Variants in SAMD8 observed in about 807,000 individuals in gnomAD.
The protein encoded by SAMD8 is sterile alpha motif domain containing 8.
SAMD8 carries 20 observed loss-of-function variants against 42.0 expected under a neutral mutation model. The ratio of observed to expected loss-of-function variants is 0.48; its 90% CI spans 0.34 to 0.69. SAMD8 has a LOEUF of 0.69. Among genes scored for constraint, SAMD8 ranks in the 30% least tolerant of loss-of-function variants. The pLI, the probability that SAMD8 is intolerant of heterozygous loss-of-function variation, is 0.01. For missense variants in SAMD8, 328 were observed against 511.6 expected (o/e 0.64, Z 3.46); for synonymous variants, 162 against 173.0 (o/e 0.94, Z 0.50).
intron 1 of SAMD8, chr10:75,125,861 A>AG (rs1307325288): frequency 1.3e-5 from 2 of 152,222 alleles, no homozygotes; most frequent in African/African-American, 4.8e-5. Context: ...CCTCCACCAA[A>AG]GTCCGTATAA....
At chr10:75,099,921 T>A (rs1253839691) in intron 1 of SAMD8, among the ~76,000 whole-genome samples, 1 of 152,022 alleles carries the variant, frequency 6.6e-6, no homozygotes, top group Non-Finnish European at 1.5e-5. Flanking sequence ...AGTGTCTGGA[T>A]ATGCGGTCAC....
In SAMD8 at chr10:75,132,731, G is replaced by A. The variant is rs1180507428; in HGVS notation, c.-15-17783G>A. On this transcript the variant is annotated intron_variant, in intron 1 of 5. Transcript: ENST00000542569. ...TTGCCAGCTATGGTGGCTCACGGCT[G>A]TAATCCCAGCACTTTGAGAGGCCAA... 2.6e-5 allele frequency among the ~76,000 whole-genome samples: 4 copies of A among 151,828 alleles called. No individual in the cohort carries two copies. The East Asian group carries it at 7.7e-4, about 29-fold the overall frequency.
chr10:75,130,588 C>G (rs1849253430), intron 1 of SAMD8, among the ~76,000 whole-genome samples: 1 of 152,068 alleles, frequency 6.6e-6, no homozygotes, highest in Non-Finnish European at 1.5e-5. Flanking sequence ...CCTTTAGCTC[C>G]AAGGAAAAGC....
chr10:75,107,992 C>A (rs772935036), upstream of SAMD8: 3 of 1,610,754 alleles, frequency 1.9e-6, no homozygotes, highest in South Asian at 3.3e-5. Context: ...CAAGTCCTAC[C>A]CCCAGGCGTG....
At chr10:75,101,762 C>G in intron 1 of SAMD8, 1 of 762,866 alleles carries the variant, frequency 1.3e-6, no homozygotes, top group South Asian at 1.4e-5. Context: ...TCTACCCAAC[C>G]CAAACCCCAC....
intron 1 of SAMD8, among the ~76,000 whole-genome samples, chr10:75,118,250 C>G (rs1345251940): frequency 6.6e-6 from 1 of 152,170 alleles, no homozygotes; most frequent in East Asian, 1.9e-4. Context: ...TAAAGAGTTT[C>G]AAAATGGATG....
At chr10:75,168,240 T>A (rs1840739437) in intron 3 of SAMD8, 1 of 167,874 alleles carries the variant, frequency 6.0e-6, no homozygotes. Flanking sequence ...ATGGCAAAAT[T>A]TAAATTAACT....
intron 1 of SAMD8, among the ~76,000 whole-genome samples, chr10:75,144,636 T>C (rs999870752): frequency 1.3e-5 from 2 of 152,064 alleles, no homozygotes; most frequent in African/African-American, 4.8e-5. Context: ...TTTTTCTGTG[T>C]TTTATTTTGA....
intron 1 of SAMD8, among the ~76,000 whole-genome samples, chr10:75,141,833 G>A (rs983718928): frequency 2.0e-5 from 3 of 151,776 alleles, no homozygotes; most frequent in East Asian, 3.9e-4. Flanking sequence ...GAGCCACCAC[G>A]CCTGGCCTGC....
At chr10:75,133,553 C>G (rs1482532655) in intron 1 of SAMD8, among the ~76,000 whole-genome samples, 3 of 152,186 alleles carry the variant, frequency 2.0e-5, no homozygotes, top group African/African-American at 4.8e-5. Flanking sequence ...AGGAATCAAC[C>G]TAAGTGTCCG....
chr10:75,129,957 A>G (rs1254851443), intron 1 of SAMD8, among the ~76,000 whole-genome samples: 1 of 152,212 alleles, frequency 6.6e-6, no homozygotes, highest in African/African-American at 2.4e-5. Flanking sequence ...AGTGTAATAC[A>G]TGAACCTAAA....
At chr10:75,154,923 C>T (rs1367321451) in intron 2 of SAMD8, among the ~76,000 whole-genome samples, 1 of 152,072 alleles carries the variant, frequency 6.6e-6, no homozygotes, top group Non-Finnish European at 1.5e-5. Context: ...GACAGGGTCT[C>T]ACTCTGTTCT....
rs557797089 is a variant in SAMD8, at chr10:75,104,612, A to T, written c.-16+4884A>T. Among the ~76,000 whole-genome samples the T allele has an allele frequency of 3.3e-5, 5 of 152,300 alleles. No homozygotes were observed. The East Asian group carries it at 9.7e-4, about 29-fold the overall frequency. On this transcript the variant is annotated intron_variant, in intron 1 of 3. Coordinates refer to the SAMD8 transcript ENST00000447533. The stretch of plus-strand genomic sequence containing the variant: ...TCTAGAGGAGAGAGAGCAGGCAGGG[A>T]ATCTGCCATTCCATGGGAAACATGC...
At position 75,179,592 on chromosome 10, in the gene SAMD8, AT is replaced by A. The variant is rs1321854569; in HGVS notation, c.*2901del. On this transcript the variant is annotated 3_prime_UTR_variant, in exon 6 of 6. Coordinates refer to ENST00000542569, the MANE Select transcript of SAMD8 (RefSeq NM_001174156.2). ...GGTATAACTTATTGTTTTAACTATT[AT>A]AAGGCAGTGTTTACATAAATTAATC... 6.6e-6 allele frequency: 1 copy of A among 152,216 alleles called. No homozygotes were observed. Among genetic ancestry groups the A allele is most frequent in the African/African-American group, 2.4e-5 (1 of 41,472 alleles). The allele number at this position is 152,216 out of a possible 1,614,324, so 9.4% of individuals were successfully genotyped here.
chr10:75,102,737 G>A (rs990353295), intron 1 of SAMD8, among the ~76,000 whole-genome samples: 2 of 152,210 alleles, frequency 1.3e-5, no homozygotes, highest in Non-Finnish European at 2.9e-5. Flanking sequence ...CGGATCACCT[G>A]AGGTCGGGAG....
At chr10:75,160,428 G>A (rs985034757) in intron 2 of SAMD8, among the ~76,000 whole-genome samples, 2 of 150,926 alleles carry the variant, frequency 1.3e-5, no homozygotes, top group African/African-American at 4.9e-5. Context: ...GGATGATCTC[G>A]ATCTCCTGTC....
intron 2 of SAMD8, among the ~76,000 whole-genome samples, chr10:75,156,639 A>C (rs1338437179): frequency 8.2e-6 from 1 of 121,376 alleles, no homozygotes; most frequent in Non-Finnish European, 1.7e-5. Flanking sequence ...CATCTTGTCC[A>C]AAAAAAAAAA....
At chr10:75,107,101 C>T (rs568106396), upstream of SAMD8, among the ~76,000 whole-genome samples, 11 of 152,230 alleles carry the variant, frequency 7.2e-5, no homozygotes, top group South Asian at 1.7e-3. Context: ...TTTGGGAGGC[C>T]GAGGCAGACA....
chr10:75,119,340 A>G (rs1291858819), intron 1 of SAMD8, among the ~76,000 whole-genome samples: 2 of 152,080 alleles, frequency 1.3e-5, no homozygotes, highest in South Asian at 2.1e-4. Flanking sequence ...TATTTTTAGT[A>G]GAGACGGGGT....
Sources: allele counts gnomAD v4.1 joint callset (sites outside exome capture counted in the v4.1 genomes callset), GRCh38; gene constraint gnomAD v4.1.1; transcripts MANE v1.5; gene names NCBI Gene and HGNC (gene_info 2026-07-23, HGNC 2026-07-21).